ARHGAP45: variants seen among roughly 807,000 people sequenced by gnomAD.
ARHGAP45 encodes the protein rho GTPase-activating protein 45.
A neutral mutation model predicts 116.1 loss-of-function variants in ARHGAP45; 56 were observed. The ratio of observed to expected loss-of-function variants is 0.48; its 90% confidence interval spans 0.39 to 0.60. ARHGAP45 has a LOEUF of 0.60. Ranked by LOEUF, ARHGAP45 falls within the 20% of genes least tolerant of loss-of-function variation. The pLI is 0.00. For synonymous variants in ARHGAP45, 866 were observed against 701.7 expected (o/e 1.23, Z -3.70); for missense variants, 1,622 against 1,601.0 (o/e 1.01, Z -0.22).
At position 1,073,235 on chromosome 19, in the gene ARHGAP45, C is replaced by T. The variant is rs1326795173; in HGVS notation, c.508C>T (p.Leu170=). 3.7e-6 allele frequency: 6 copies of T among 1,613,654 alleles called. No individual in the cohort carries two copies. Among genetic ancestry groups the T allele is most frequent in the Non-Finnish European group, 4.2e-6 (5 of 1,180,016 alleles). The change falls in exon 3 of 23, where the codon CTG becomes TTG. Residue 170 remains leucine (L), a synonymous_variant. Coordinates refer to ENST00000313093, the MANE Select transcript of ARHGAP45 (RefSeq NM_012292.5). The part of the protein sequence containing the change: ...VMHQIISKYP[L]LNTVETLTAA... Reference sequence around the variant, plus strand: ...GCATCAGATCATCTCCAAGTACCCGCTGCTGAACACCGTGGAGACGCTCAC... The same window carrying T: ...GCATCAGATCATCTCCAAGTACCCGTTGCTGAACACCGTGGAGACGCTCAC...
At position 1,077,870 on chromosome 19, in the gene ARHGAP45, C is replaced by A. The variant is rs994312599; in HGVS notation, c.1199C>A (p.Ser400Tyr). The change falls in exon 11 of 23, where the codon TCC (serine) becomes TAC (tyrosine). Residue 400 changes from serine to tyrosine, a missense_variant. Physicochemically the swap from Ser to Tyr is moderately radical, Grantham distance 144. Coordinates refer to ENST00000313093, the MANE Select transcript of ARHGAP45 (RefSeq NM_012292.5). ...CCACACCCACAGCAAGAGGCGGAGT[C>A]CAACCTGCGCAAGGCCAAGCAGGGT... ...RAQRKLQEAE[S>Y]NLRKAKQGYV... 7.1e-6 allele frequency: 11 copies of A among 1,553,352 alleles called. No homozygotes were observed. In the African/African-American group the frequency reaches 1.4e-4, roughly 19 times the overall value.
At position 1,067,448 on chromosome 19, in the gene ARHGAP45, A is replaced by G. The variant is rs1440555262; in HGVS notation, c.43A>G (p.Ile15Val). 1.9e-6 allele frequency: 3 copies of G among 1,600,846 alleles called. No individual in the cohort carries two copies. Among genetic ancestry groups the G allele is most frequent in the Non-Finnish European group, 2.6e-6 (3 of 1,173,938 alleles). Residue 15 changes from isoleucine to valine, a missense_variant, in exon 1 of 23, where the codon ATC becomes GTC. Ile to Val is a conservative substitution (Grantham distance 29). Around this residue, in one of 3 missense-constraint regions of ARHGAP45, gnomAD observed 279 missense variants for 311.9 expected, o/e 0.89. Transcript: ENST00000313093. ...ACGAGAGCTCATGAAAACCCCTTCC[A>G]TCTCGAAAAAGAACCGCGCGGGAAG... ...KKRELMKTPSISKKNRAGSPS... is the reference protein window; with the variant it reads ...KKRELMKTPSVSKKNRAGSPS...
Position 1,086,307 on chromosome 19 carries a change from G to A in ARHGAP45, c.*301G>A, listed in dbSNP as rs553861284. ...TGGTGCCCACAGGGCTGTGTGGATG[G>A]AGGAAGCTGTCCCTGCCCAGTGCAT... On this transcript the variant is annotated 3_prime_UTR_variant, in exon 23 of 23. Transcript: ENST00000313093. 1.7e-4 allele frequency: 58 copies of A among 350,736 alleles called. No homozygotes were observed. In the South Asian group the frequency reaches 2.2e-3, roughly 13 times the overall value. The allele number at this position is 350,736 out of a possible 1,614,324, so 21.7% of individuals were successfully genotyped here.
intron 19 of ARHGAP45, 123 bp downstream of exon 19, chr19:1,082,084 G>A: frequency 1.6e-6 from 1 of 614,372 alleles, no homozygotes; most frequent in Non-Finnish European, 2.5e-6. Flanking sequence ...GCAAGCGGGG[G>A]CCTGGGGAGG....
chr19:1,070,333 T>C (rs11084880), intron 2 of ARHGAP45, among the ~76,000 whole-genome samples: 4,454 of 127,590 alleles, frequency 0.035, 159 homozygotes, highest in East Asian at 0.19. Context: ...TCTTTTCTTT[T>C]TTTTTTTTTT....
At chr19:1,075,562 C>A (rs1416008299) in intron 10 of ARHGAP45, among the ~76,000 whole-genome samples, 1 of 152,058 alleles carries the variant, frequency 6.6e-6, no homozygotes, top group East Asian at 1.9e-4. Flanking sequence ...TGCCTGTATT[C>A]TCTTCCCACT....
rs200007611 is a variant in ARHGAP45 at position 1,085,666 on chromosome 19, G to C, written c.3071G>C (p.Arg1024Pro). ...EAAADGCRESRVVSNDSDSDL... is the reference protein window; with the variant it reads ...EAAADGCRESPVVSNDSDSDL... ...ATCTGTCTCCCTTTCTTAGAATCCC[G>C]AGTTGTGTCCAACGATTCGGACTCG... The change falls in exon 23 of 23, where the codon CGA becomes CCA. Residue 1024 changes from arginine (R) to proline (P), a missense_variant. This residue lies in a region of ARHGAP45 where 1,334 missense variants were observed against 1,263.8 expected (regional missense o/e 1.06). Coordinates refer to ENST00000313093, the MANE Select transcript of ARHGAP45 (RefSeq NM_012292.5). The C allele has an allele frequency of 3.2e-6, 5 of 1,558,282 alleles. No homozygotes were observed. In the East Asian group the frequency reaches 6.9e-5, roughly 21 times the overall value.
intron 21 of ARHGAP45, 28 bp from the exon 22 acceptor site, chr19:1,084,210 C>T (rs1328425048): frequency 8.8e-6 from 14 of 1,598,936 alleles, no homozygotes; most frequent in Non-Finnish European, 1.2e-5. Flanking sequence ...GCCCCGGCCC[C>T]TCTATGACTT....
Position 1,083,128 on chromosome 19 carries a change from C to G in ARHGAP45, c.2745-15C>G. The G allele has an allele frequency of 6.3e-7, 1 of 1,598,050 alleles. No homozygotes were observed. The highest frequency in any genetic ancestry group is 8.5e-7 in the Non-Finnish European group (1 of 1,175,268). ...CCGGGAGCCGCTCAGCACCTGGCCC[C>G]TGCCCACCCCGCAGGATCGTGGAGG... On this transcript the variant is annotated splice_polypyrimidine_tract_variant and intron_variant, in intron 20 of 22. Transcript: ENST00000313093.
intron 10 of ARHGAP45, 152 bp downstream of exon 10, chr19:1,075,031 C>CA (rs1029269045): frequency 1.0e-5 from 5 of 487,454 alleles, no homozygotes; most frequent in Admixed American, 1.1e-4. Context: ...TGGGCCGCCC[C>CA]CCCCAACGCC....
At position 1,081,639 on chromosome 19, in the gene ARHGAP45, C is replaced by A. The variant is rs779347214; in HGVS notation, c.2280C>A (p.Gly760=). The change falls in exon 18 of 23, where the codon GGC becomes GGA. Residue 760 remains glycine, a synonymous_variant. Coordinates refer to ENST00000313093, the MANE Select transcript of ARHGAP45 (RefSeq NM_012292.5). ...KKLQGRLQLF[G]QDFSHAARSA... ...TGCAAGGCCGCCTGCAGCTGTTCGG[C>A]CAGGACTTCAGCCACGCGGCCCGCA... is the stretch of plus-strand genomic sequence containing the variant. The A allele has an allele frequency of 6.3e-7, 1 of 1,577,664 alleles. No homozygotes were observed. The highest frequency in any genetic ancestry group is 1.2e-5 in the South Asian group (1 of 86,900).
intron 19 of ARHGAP45, among the ~76,000 whole-genome samples, 170 bp downstream of exon 19, chr19:1,082,131 T>A (rs1437232691): frequency 8.0e-6 from 1 of 125,034 alleles, no homozygotes; most frequent in Non-Finnish European, 1.6e-5. Context: ...AGGGCAGGGC[T>A]GAGGCTGGGG....
At chr19:1,067,627 C>A in intron 1 of ARHGAP45, 132 bp downstream of exon 1, 2 of 883,390 alleles carry the variant, frequency 2.3e-6, no homozygotes, top group South Asian at 1.4e-5. Flanking sequence ...CCGGGCGGGA[C>A]GGCAGGGGCC....
At position 1,074,890 on chromosome 19, in the gene ARHGAP45, C is replaced by A. The variant is rs771735244; in HGVS notation, c.1185+11C>A. Reference sequence around the variant, plus strand: ...GCCCAGAGGAAGCTGGTGAGGCGGGCGGGCGGGGGCGGGCGGGGGCGGGCA... The same window carrying A: ...GCCCAGAGGAAGCTGGTGAGGCGGGAGGGCGGGGGCGGGCGGGGGCGGGCA... On this transcript the variant is annotated intron_variant, in intron 10 of 22. Transcript: ENST00000313093. 7.5e-5 allele frequency: 4 copies of A among 53,502 alleles called. No individual in the cohort carries two copies. Among genetic ancestry groups the A allele is most frequent in the South Asian group, 1.5e-4 (1 of 6,854 alleles). 3.3% of individuals were successfully genotyped at this position (53,502 alleles called of 1,614,324 possible). A position where few individuals can be genotyped will look rare whatever the true frequency, so the allele number is the denominator to read the frequency against.
In ARHGAP45 at chr19:1,084,324, G is replaced by A. The variant is rs572841086; in HGVS notation, c.3042G>A (p.Glu1014=). The A allele has an allele frequency of 1.2e-5, 20 of 1,610,334 alleles. No individual in the cohort carries two copies. The South Asian group carries it at 1.4e-4, about 12-fold the overall frequency. ...AGEAVVYPLQ[E]AAADGCRESR... ...AGGCGGTGGTCTACCCGCTGCAGGA[G>A]GCGGCGGCGGACGGGTGCAGAGGTG... is the stretch of plus-strand genomic sequence containing the variant. The change falls in exon 22 of 23, where the codon GAG becomes GAA. Residue 1014 remains glutamate, a synonymous_variant. Transcript: ENST00000313093.
chr19:1,068,255 G>T lies in ARHGAP45; in HGVS notation c.91-159G>T. The T allele has an allele frequency of 1.6e-6, 1 of 606,208 alleles. No individual in the cohort carries two copies. The highest frequency in any genetic ancestry group is 2.1e-5 in the South Asian group (1 of 47,302). The allele number at this position is 606,208 out of a possible 1,614,324, so 37.6% of individuals were successfully genotyped here. ...GAGGATGTTGGGTAACAGGTGGGGG[G>T]GTACACTACCAAATCTCGGCCCTGT... On this transcript the variant is annotated intron_variant, in intron 1 of 22. Transcript: ENST00000313093. The surrounding 1 kb of genome is among the most constrained non-coding windows in gnomAD (Gnocchi z 7.5).
chr19:1,074,460 C>A, intron 8 of ARHGAP45, 53 bp downstream of exon 8: 1 of 1,455,670 alleles, frequency 6.9e-7, no homozygotes. Flanking sequence ...GTGTGAGTCT[C>A]AGCCCCATTT....
At position 1,068,329 on chromosome 19, in the gene ARHGAP45, A is replaced by G; in HGVS notation, c.91-85A>G. On this transcript the variant is annotated intron_variant, in intron 1 of 22. Transcript: ENST00000313093. The surrounding 1 kb of genome is among the most constrained non-coding windows in gnomAD (Gnocchi z 7.5). ...GGGGTCAGGGTGATGGTGGCCCTCCACAGCCCCACTTCATTTCTGGGGAAA... is the reference window on the plus strand; with the variant it reads ...GGGGTCAGGGTGATGGTGGCCCTCCGCAGCCCCACTTCATTTCTGGGGAAA... 1 of 1,262,720 alleles carries G rather than the reference A, an allele frequency of 7.9e-7. No homozygotes were observed. The highest frequency in any genetic ancestry group is 1.1e-6 in the Non-Finnish European group (1 of 932,968). The allele number at this position is 1,262,720 out of a possible 1,614,324, so 78.2% of individuals were successfully genotyped here.
chr19:1,074,241 G>C lies in ARHGAP45; in HGVS notation c.928G>C (p.Glu310Gln). 6.2e-7 allele frequency: 1 copy of C among 1,612,896 alleles called. No individual in the cohort carries two copies. Among genetic ancestry groups the C allele is most frequent in the Non-Finnish European group, 8.5e-7 (1 of 1,179,812 alleles). Residue 310 changes from glutamate (E) to glutamine (Q), a missense_variant and splice_region_variant, in exon 7 of 23, where the codon GAG becomes CAG. Glu to Gln is a conservative substitution (Grantham distance 29). This residue lies in a region of ARHGAP45 where 1,334 missense variants were observed against 1,263.8 expected (regional missense o/e 1.06). Coordinates refer to ENST00000313093, the MANE Select transcript of ARHGAP45 (RefSeq NM_012292.5). ...ISYLEKRTTL[E>Q]MEFAKGLQKI... ...CTACCTGGAGAAGCGGACGACGCTG[G>C]GTGAGAGCTGGTGTCCCAGCAGGGT...
Sources: allele counts gnomAD v4.1 joint callset (sites outside exome capture counted in the v4.1 genomes callset), GRCh38; gene constraint gnomAD v4.1.1; regional missense constraint gnomAD v4.1.1; non-coding constraint Gnocchi (gnomAD v3.1); transcripts MANE v1.5; gene names NCBI Gene and HGNC (gene_info 2026-07-23, HGNC 2026-07-21).